The following EZH2 variants were observed in gnomAD, a reference collection of about 807,000 sequenced individuals.
EZH2 encodes the protein histone-lysine N-methyltransferase EZH2.
EZH2 carries 18 observed loss-of-function variants against 98.4 expected under a neutral mutation model. That is an observed-to-expected ratio of 0.18 (90% CI 0.13 to 0.27). The LOEUF is 0.27. EZH2 is among the 10% of genes least tolerant of loss of function. The pLI is 1.00. For synonymous variants in EZH2, 338 were observed against 312.3 expected (o/e 1.08, Z -0.87); for missense variants, 470 against 935.1 (o/e 0.50, Z 6.49).
intron 8 of EZH2, among the ~76,000 whole-genome samples, chr7:148,820,512 A>G (rs1188568303): frequency 2.6e-5 from 4 of 151,988 alleles, no homozygotes; most frequent in African/African-American, 9.7e-5. Flanking sequence ...TCTTTTAAAT[A>G]TTTGTAAAAA....
intron 9 of EZH2, 31 bp downstream of exon 9, chr7:148,819,565 C>T (rs1805448800): frequency 6.3e-7 from 1 of 1,575,076 alleles, no homozygotes. Flanking sequence ...CTCTCAAGTA[C>T]CCTCTGCAAT....
intron 1 of EZH2, among the ~76,000 whole-genome samples, chr7:148,859,505 A>AATCAAC (rs138967139): frequency 6.7e-6 from 1 of 150,172 alleles, no homozygotes; most frequent in Admixed American, 6.6e-5. Context: ...TCTGTCTCAA[A>AATCAAC]AACAACAACA....
Position 148,818,019 on chromosome 7 carries a change from G to A in EZH2, c.1098C>T (p.Asn366=). Residue 366 remains asparagine (N), a synonymous_variant, in exon 10 of 20, where the codon AAC becomes AAT. Transcript: ENST00000320356. ...GGRRRGRLPN[N]SSRPSTPTIN... is the part of the protein sequence containing the mutation. ...TGGTGGGGGTGCTGGGCCTGCTACT[G>A]TTATTGGGAAGCCGTCCTCTTCTGC... is the stretch of plus-strand genomic sequence containing the variant. The A allele has an allele frequency of 6.2e-7, 1 of 1,614,122 alleles. No homozygotes were observed. Among genetic ancestry groups the A allele is most frequent in the South Asian group, 1.1e-5 (1 of 91,078 alleles).
Position 148,862,220 on chromosome 7 carries a change from T to C in EZH2, c.-7-14915A>G, listed in dbSNP as rs539469060. Among the ~76,000 whole-genome samples the C allele has an allele frequency of 1.5e-4, 23 of 151,756 alleles. No individual in the cohort carries two copies. The South Asian group carries it at 4.4e-3, about 29-fold the overall frequency. On this transcript the variant is annotated intron_variant, in intron 1 of 19. Coordinates refer to ENST00000320356, the MANE Select transcript of EZH2 (RefSeq NM_004456.5). ...CTTTTCCTACTCTGCCACATTAACA[T>C]TCATTAGTCTATTCACTTTAAATGA...
intron 17 of EZH2, 28 bp from the exon 18 acceptor site, chr7:148,809,418 A>G: frequency 6.5e-7 from 1 of 1,545,598 alleles, no homozygotes. Flanking sequence ...AGCACAGCCC[A>G]GTGAATAATT....
In EZH2 at chr7:148,828,785, C is replaced by T. The variant is rs1808478688; in HGVS notation, c.580G>A (p.Glu194Lys). The change falls in exon 6 of 20, where the codon GAA (glutamate) becomes AAA (lysine). Residue 194 changes from glutamate (E) to lysine (K), a missense_variant. Glu to Lys is a moderately conservative substitution (Grantham distance 56). Coordinates refer to ENST00000320356, the MANE Select transcript of EZH2 (RefSeq NM_004456.5). ...DDDDDDGDDP[E>K]EREEKQKDLE... ...TCTTTCTGCTTTTCTTCTCTTTCTT[C>T]AGGATCGTCTCCATCATCATCATCG... 2 of 1,613,754 alleles carry T rather than the reference C, an allele frequency of 1.2e-6. No homozygotes were observed. The highest frequency in any genetic ancestry group is 3.3e-5 in the Admixed American group (2 of 59,974).
intron 8 of EZH2, 71 bp from the exon 9 acceptor site, chr7:148,819,758 C>A (rs1805491666): frequency 3.0e-6 from 4 of 1,343,664 alleles, no homozygotes; most frequent in Non-Finnish European, 4.2e-6. Context: ...TCCAGTTCCA[C>A]TGGAAAAGTC....
intron 1 of EZH2, among the ~76,000 whole-genome samples, chr7:148,856,624 A>T (rs1191044654): frequency 1.3e-5 from 2 of 152,224 alleles, no homozygotes; most frequent in Non-Finnish European, 2.9e-5. Context: ...TGGGACAGGG[A>T]AACTACAAGG....
At chr7:148,875,918 G>A (rs1014344677) in intron 1 of EZH2, 11 of 152,184 alleles carry the variant, frequency 7.2e-5, no homozygotes, top group African/African-American at 2.7e-4. Flanking sequence ...CAACACTTTG[G>A]GAGGCCAAGG....
intron 16 of EZH2, among the ~76,000 whole-genome samples, chr7:148,810,707 G>A (rs558599924): frequency 4.6e-5 from 7 of 152,144 alleles, no homozygotes; most frequent in South Asian, 2.1e-4. Context: ...AGTGGCTCAC[G>A]CCTGTAATCC....
chr7:148,860,641 G>GA (rs1817531805), intron 1 of EZH2, among the ~76,000 whole-genome samples: 1 of 152,098 alleles, frequency 6.6e-6, no homozygotes, highest in East Asian at 1.9e-4. Context: ...TAATAGAAAT[G>GA]AAAAACTAAA....
chr7:148,820,252 A>C (rs1025351969), intron 8 of EZH2, among the ~76,000 whole-genome samples: 29 of 152,316 alleles, frequency 1.9e-4, no homozygotes, highest in African/African-American at 5.8e-4. Flanking sequence ...TGTCAAAAAA[A>C]CGGATTTTAG....
chr7:148,836,561 A>G (rs1223922935), intron 3 of EZH2, among the ~76,000 whole-genome samples: 1 of 152,200 alleles, frequency 6.6e-6, no homozygotes, highest in Non-Finnish European at 1.5e-5. Context: ...TTTTTACCTC[A>G]TGGGTCTCCA....
chr7:148,832,075 T>G (rs774527942), intron 4 of EZH2, among the ~76,000 whole-genome samples: 12 of 152,180 alleles, frequency 7.9e-5, no homozygotes, highest in Non-Finnish European at 1.6e-4. Context: ...TTTTTAAGGA[T>G]AAGAACTATA....
At chr7:148,840,539 A>T (rs928101793) in intron 3 of EZH2, among the ~76,000 whole-genome samples, 4 of 152,198 alleles carry the variant, frequency 2.6e-5, no homozygotes, top group Non-Finnish European at 5.9e-5. Flanking sequence ...TTTCTGTGTT[A>T]TCTAAATTTT....
At chr7:148,864,696 A>G (rs934222345) in intron 1 of EZH2, among the ~76,000 whole-genome samples, 1 of 150,178 alleles carries the variant, frequency 6.7e-6, no homozygotes, top group Non-Finnish European at 1.5e-5. Context: ...AAAAAAAAAA[A>G]AAAGGAAAAA....
intron 15 of EZH2, among the ~76,000 whole-genome samples, chr7:148,812,725 A>G (rs1442132556): frequency 6.6e-6 from 1 of 152,212 alleles, no homozygotes; most frequent in African/African-American, 2.4e-5. Context: ...TGAGATTTTT[A>G]GGTCTGAGCA....
intron 3 of EZH2, among the ~76,000 whole-genome samples, chr7:148,833,170 A>C (rs982606188): frequency 1.3e-5 from 2 of 152,252 alleles, no homozygotes; most frequent in Admixed American, 1.3e-4. Context: ...AAGAATAAGA[A>C]AACTTGGGCC....
At chr7:148,856,996 A>C (rs1489168956) in intron 1 of EZH2, among the ~76,000 whole-genome samples, 1 of 152,208 alleles carries the variant, frequency 6.6e-6, no homozygotes, top group Non-Finnish European at 1.5e-5. Flanking sequence ...GTTTCTGTGA[A>C]AAAAAACCAT....
Sources: allele counts gnomAD v4.1 joint callset (sites outside exome capture counted in the v4.1 genomes callset), GRCh38; gene constraint gnomAD v4.1.1; transcripts MANE v1.5; gene names NCBI Gene and HGNC (gene_info 2026-07-23, HGNC 2026-07-21).